Variants in MBD2 observed in about 807,000 individuals in gnomAD.
MBD2 encodes the protein methyl-CpG-binding domain protein 2.
In MBD2, 9 loss-of-function variants were observed where a neutral mutation model predicts 39.3. The observed-to-expected ratio is 0.23, with a 90% CI of 0.14 to 0.40. The LOEUF (loss-of-function observed/expected upper bound fraction) is 0.40. Among genes scored for constraint, MBD2 ranks in the 10% least tolerant of loss-of-function variants. The pLI is 1.00. For synonymous variants in MBD2, 233 were observed against 211.1 expected (o/e 1.10, Z -0.90); for missense variants, 458 against 532.6 (o/e 0.86, Z 1.38).
chr18:54,195,121 C>T (rs1031012440), intron 2 of MBD2, among the ~76,000 whole-genome samples: 1 of 151,848 alleles, frequency 6.6e-6, no homozygotes, highest in Non-Finnish European at 1.5e-5. Context: ...TTAAAGATAT[C>T]GAAATGGATT....
chr18:54,201,075 G>A (rs868232392), intron 2 of MBD2, among the ~76,000 whole-genome samples: 2 of 145,002 alleles, frequency 1.4e-5, no homozygotes, highest in South Asian at 2.2e-4. Context: ...GCGAGACCCC[G>A]TCTCAAAAAA....
chr18:54,176,018 G>A (rs1248369039), intron 3 of MBD2, among the ~76,000 whole-genome samples: 1 of 152,104 alleles, frequency 6.6e-6, no homozygotes, highest in Non-Finnish European at 1.5e-5. Flanking sequence ...AAGTATATGA[G>A]GACAACAGTG....
intron 1 of MBD2, among the ~76,000 whole-genome samples, chr18:54,220,842 T>C (rs1156854472): frequency 6.6e-6 from 1 of 152,230 alleles, no homozygotes. Context: ...TGTATCACAA[T>C]TATCATATTA....
chr18:54,199,293 A>G (rs1256517189), intron 2 of MBD2, among the ~76,000 whole-genome samples: 1 of 152,178 alleles, frequency 6.6e-6, no homozygotes, highest in Non-Finnish European at 1.5e-5. Context: ...ATGGCTAGAC[A>G]AAGTCTTTAT....
chr18:54,219,937 A>G (rs1212802972), intron 1 of MBD2, among the ~76,000 whole-genome samples: 2 of 152,226 alleles, frequency 1.3e-5, no homozygotes, highest in Non-Finnish European at 2.9e-5. Flanking sequence ...AGTAGCTGGG[A>G]CTACAGGCAT....
At chr18:54,213,534 A>G (rs1011404559) in intron 1 of MBD2, among the ~76,000 whole-genome samples, 3 of 152,238 alleles carry the variant, frequency 2.0e-5, no homozygotes, top group African/African-American at 7.2e-5. Flanking sequence ...AAAATGCGAA[A>G]AAATGAATTT....
At chr18:54,214,037 CT>C (rs1271042856) in intron 1 of MBD2, among the ~76,000 whole-genome samples, 24 of 147,810 alleles carry the variant, frequency 1.6e-4, no homozygotes. Flanking sequence ...CAAACATTGC[CT>C]GATAAAACAG....
chr18:54,157,692 T>C (rs188636454), intron 6 of MBD2, among the ~76,000 whole-genome samples: 2 of 152,190 alleles, frequency 1.3e-5, no homozygotes, highest in African/African-American at 4.8e-5. Flanking sequence ...AAAGGCACTA[T>C]GGAAGGGGAT....
intron 1 of MBD2, among the ~76,000 whole-genome samples, chr18:54,214,758 T>C (rs909975873): frequency 2.0e-5 from 3 of 150,856 alleles, no homozygotes; most frequent in Non-Finnish European, 4.4e-5. Flanking sequence ...TTTTTTTTTT[T>C]AGACGGAGTC....
chr18:54,157,476 G>T (rs2086061324), intron 6 of MBD2, among the ~76,000 whole-genome samples: 1 of 152,016 alleles, frequency 6.6e-6, no homozygotes, highest in African/African-American at 2.4e-5. Flanking sequence ...GGCCAGGCTG[G>T]TCTCAAACTC....
chr18:54,205,111 G>A lies in MBD2; in HGVS notation c.589C>T (p.Leu197=), dbSNP rs1398632895. 2 of 1,613,760 alleles carry A rather than the reference G, an allele frequency of 1.2e-6. No homozygotes were observed. Among genetic ancestry groups the A allele is most frequent in the African/African-American group, 2.7e-5 (2 of 74,854 alleles). Residue 197 remains leucine (L), a synonymous_variant, in exon 2 of 7, where the codon CTG becomes TTG. Transcript: ENST00000256429. ...CTGCTGAGATCAACAGTATTTCCCA[G>A]GTACCTTGCCAACTGAGGCTTGCTT... The part of the protein sequence containing the change: ...FRSKPQLARY[L]GNTVDLSSFD...
chr18:54,179,226 C>T (rs377232821), intron 3 of MBD2, among the ~76,000 whole-genome samples: 1 of 152,102 alleles, frequency 6.6e-6, no homozygotes, highest in East Asian at 1.9e-4. Context: ...TAAGTTAAAA[C>T]TTTTCCATAA....
chr18:54,210,752 C>T (rs2086497352), intron 1 of MBD2, among the ~76,000 whole-genome samples: 1 of 151,972 alleles, frequency 6.6e-6, no homozygotes, highest in Admixed American at 6.6e-5. Flanking sequence ...AGGCACATCA[C>T]TTCCCATCAG....
At chr18:54,190,023 T>TG (rs34076609) in intron 2 of MBD2, among the ~76,000 whole-genome samples, 10,650 of 152,088 alleles carry the variant, frequency 0.07, 1,241 homozygotes, top group African/African-American at 0.24. Context: ...TTGGCATACT[T>TG]GGCATTAAAA....
intron 1 of MBD2, among the ~76,000 whole-genome samples, chr18:54,220,380 T>C (rs967998324): frequency 6.6e-6 from 1 of 151,886 alleles, no homozygotes; most frequent in African/African-American, 2.4e-5. Flanking sequence ...GAAGGCATAA[T>C]TATATTGCGT....
At chr18:54,208,455 A>G (rs1445229785) in intron 1 of MBD2, among the ~76,000 whole-genome samples, 1 of 152,120 alleles carries the variant, frequency 6.6e-6, no homozygotes, top group African/African-American at 2.4e-5. Context: ...TGGCGCCACT[A>G]CACTCCAGCC....
intron 1 of MBD2, among the ~76,000 whole-genome samples, chr18:54,221,457 CAAA>C (rs11285730): frequency 9.6e-5 from 13 of 135,306 alleles, no homozygotes; most frequent in African/African-American, 3.1e-4. Context: ...GACTCCGTCT[CAAA>C]AAAAAAAAAA....
chr18:54,194,230 TAA>T (rs1469971394), intron 2 of MBD2, among the ~76,000 whole-genome samples: 2 of 152,106 alleles, frequency 1.3e-5, no homozygotes, highest in South Asian at 2.1e-4. Context: ...TGCTAATATT[TAA>T]TAATAAACTG....
intron 1 of MBD2, among the ~76,000 whole-genome samples, chr18:54,216,225 T>C (rs779422254): frequency 4.6e-5 from 7 of 152,080 alleles, no homozygotes; most frequent in African/African-American, 7.2e-5. Flanking sequence ...ACATCAACAC[T>C]ACACACACAC....
Sources: allele counts gnomAD v4.1 joint callset (sites outside exome capture counted in the v4.1 genomes callset), GRCh38; gene constraint gnomAD v4.1.1; transcripts MANE v1.5; gene names NCBI Gene and HGNC (gene_info 2026-07-23, HGNC 2026-07-21).